The following STK3 variants were observed in gnomAD, a reference collection of about 807,000 sequenced individuals.
STK3 encodes serine/threonine-protein kinase 3.
STK3 carries 41 observed loss-of-function variants against 58.0 expected under a neutral mutation model. The ratio of observed to expected loss-of-function variants is 0.71; its 90% CI spans 0.55 to 0.92. The LOEUF (loss-of-function observed/expected upper bound fraction) is 0.92, where lower values mean the gene tolerates loss of function less well. Among genes scored for constraint, STK3 ranks in the 40% least tolerant of loss-of-function variants. The probability of loss-of-function intolerance (pLI) is 0.00; values close to 1 mark genes in which losing one functional copy is unlikely to be tolerated. For missense variants in STK3, 479 were observed against 602.7 expected (o/e 0.79, Z 2.15); for synonymous variants, 170 against 191.0 (o/e 0.89, Z 0.91).
chr8:98,693,092 G>A (rs528326463), intron 6 of STK3, among the ~76,000 whole-genome samples: 23 of 152,188 alleles, frequency 1.5e-4, no homozygotes, highest in Admixed American at 1.3e-3. Context: ...ATTTGAGGTA[G>A]ATAGACAAAA....
chr8:98,731,616 G>A (rs539190193), intron 4 of STK3, among the ~76,000 whole-genome samples: 2 of 151,854 alleles, frequency 1.3e-5, no homozygotes, highest in African/African-American at 2.4e-5. Context: ...CCAGCTACTC[G>A]GGAGGCTGAG....
chr8:98,614,309 C>CTT (rs1017760048), intron 6 of STK3, among the ~76,000 whole-genome samples: 2 of 152,162 alleles, frequency 1.3e-5, no homozygotes, highest in Admixed American at 1.3e-4. Flanking sequence ...TTTTAAAGAA[C>CTT]TGAACAGAGT....
chr8:98,778,624 C>T (rs1334696574), intron 1 of STK3, among the ~76,000 whole-genome samples: 1 of 152,044 alleles, frequency 6.6e-6, no homozygotes, highest in Non-Finnish European at 1.5e-5. Context: ...AGACTTGGAA[C>T]CAACCCAAAT....
upstream of STK3, among the ~76,000 whole-genome samples, chr8:98,825,864 C>CCCCGCCCCCGGCCGCGCCGG (rs1393404375): frequency 2.4e-4 from 13 of 55,186 alleles, 1 homozygote; most frequent in South Asian, 2.5e-3. Flanking sequence ...GGCCGCCCCG[C>CCCCGCCCCCGGCCGCGCCGG]CCCGCCCCCG....
At chr8:98,940,756 T>C (rs898892030) in intron 1 of STK3, among the ~76,000 whole-genome samples, 2 of 152,166 alleles carry the variant, frequency 1.3e-5, no homozygotes, top group African/African-American at 4.8e-5. Context: ...GGGTCAGAAC[T>C]GGTATCTTTC....
rs144304773 is a variant in STK3, at chr8:98,612,830, G to A, written c.685-16661C>T. 4.4e-3 allele frequency among the ~76,000 whole-genome samples: 669 copies of A among 152,208 alleles called. 6 individuals are homozygous for A. Among genetic ancestry groups the A allele is most frequent in the South Asian group, 8.7e-3 (42 of 4,822 alleles). The stretch of plus-strand genomic sequence containing the variant: ...TCTATCCTCATGAGACTATAACAAG[G>A]TCCCACAATACTCCTGACATGGTGA... On this transcript the variant is annotated intron_variant, in intron 6 of 10. Coordinates refer to ENST00000419617, the MANE Select transcript of STK3 (RefSeq NM_006281.4).
At chr8:98,492,473 G>A (rs1205323867) in intron 10 of STK3, among the ~76,000 whole-genome samples, 2 of 152,076 alleles carry the variant, frequency 1.3e-5, no homozygotes, top group African/African-American at 4.8e-5. Context: ...GTGTGAAATT[G>A]GAGAAAGGCC....
At chr8:98,903,547 CTTCTTCTTCCTT>C (rs1371797386) in intron 1 of STK3, among the ~76,000 whole-genome samples, 763 of 22,666 alleles carry the variant, frequency 0.034, 49 homozygotes, top group African/African-American at 0.14. Context: ...TCTTCTTCTT[CTTCTTCTTCCTT>C]TTTTTTTTTT....
intron 10 of STK3, among the ~76,000 whole-genome samples, chr8:98,458,328 T>A (rs1352804699): frequency 6.6e-6 from 1 of 152,172 alleles, no homozygotes; most frequent in Non-Finnish European, 1.5e-5. Flanking sequence ...TGTATTTCCA[T>A]TTGTGTCATG....
chr8:98,423,335 G>T (rs975958464), intron 3 of STK3, among the ~76,000 whole-genome samples: 1 of 152,250 alleles, frequency 6.6e-6, no homozygotes, highest in Non-Finnish European at 1.5e-5. Flanking sequence ...GGCCTGCCCC[G>T]TGAACCGCCA....
At chr8:98,461,591 C>T (rs11781352) in intron 10 of STK3, among the ~76,000 whole-genome samples, 63,677 of 151,976 alleles carry the variant, frequency 0.42, 13,566 homozygotes, top group Admixed American at 0.54. Flanking sequence ...GTGAGTTTTA[C>T]GCTTTCAAGA....
chr8:98,882,410 T>A (rs1390862714), downstream of STK3: 1 of 118,306 alleles, frequency 8.5e-6, no homozygotes, highest in African/African-American at 3.3e-5. Context: ...CATACCAATA[T>A]CCTTTTTTTT....
At chr8:98,562,389 G>T (rs1440023021) in intron 8 of STK3, among the ~76,000 whole-genome samples, 1 of 151,942 alleles carries the variant, frequency 6.6e-6, no homozygotes, top group African/African-American at 2.4e-5. Flanking sequence ...TACAAAAAAC[G>T]TAGTGTTAAA....
intron 6 of STK3, among the ~76,000 whole-genome samples, chr8:98,676,998 A>T (rs1823264045): frequency 6.6e-6 from 1 of 152,242 alleles, no homozygotes; most frequent in Non-Finnish European, 1.5e-5. Context: ...GGCCCTGCCT[A>T]AGTCTGGCAA....
At chr8:98,653,655 C>T (rs1017315675) in intron 6 of STK3, among the ~76,000 whole-genome samples, 7 of 152,256 alleles carry the variant, frequency 4.6e-5, no homozygotes, top group South Asian at 2.1e-4. Context: ...GGGGATATCA[C>T]GACCGATCCC....
chr8:98,431,849 A>G (rs1407035358), intron 3 of STK3: 1 of 167,096 alleles, frequency 6.0e-6, no homozygotes, highest in Admixed American at 6.5e-5. Flanking sequence ...TCTCTTGTAC[A>G]TACATATATA....
chr8:98,620,429 C>T (rs1276532613), intron 6 of STK3, among the ~76,000 whole-genome samples: 2 of 140,298 alleles, frequency 1.4e-5, no homozygotes, highest in Non-Finnish European at 3.1e-5. Flanking sequence ...AACTAACCTG[C>T]ACAATGTGCA....
intron 8 of STK3, among the ~76,000 whole-genome samples, chr8:98,557,178 A>G (rs1218819483): frequency 6.6e-6 from 1 of 152,056 alleles, no homozygotes; most frequent in East Asian, 1.9e-4. Context: ...CTCATGCATA[A>G]CGGAATTCGG....
intron 1 of STK3, among the ~76,000 whole-genome samples, chr8:98,809,705 T>C (rs1299378747): frequency 6.6e-6 from 1 of 152,238 alleles, no homozygotes; most frequent in African/African-American, 2.4e-5. Flanking sequence ...CCATTGTATA[T>C]ATATATACCA....
Sources: allele counts gnomAD v4.1 joint callset (sites outside exome capture counted in the v4.1 genomes callset), GRCh38; gene constraint gnomAD v4.1.1; transcripts MANE v1.5; gene names NCBI Gene and HGNC (gene_info 2026-07-23, HGNC 2026-07-21).